The following MAP4 variants were observed in gnomAD, a reference collection of about 807,000 sequenced individuals.
The protein encoded by MAP4 is microtubule-associated protein 4.
Under a neutral mutation model 170.2 loss-of-function variants are expected in MAP4, and 76 were observed. The ratio of observed to expected loss-of-function variants is 0.45; its 90% CI spans 0.37 to 0.54. The LOEUF (loss-of-function observed/expected upper bound fraction) is 0.54. Ranked by LOEUF, MAP4 falls within the 20% of genes least tolerant of loss-of-function variation. The pLI, the probability that MAP4 is intolerant of heterozygous loss-of-function variation, is 0.00. For missense variants in MAP4, 2,506 were observed against 2,748.0 expected, an observed-to-expected ratio of 0.91 and a Z score of 1.97; for synonymous variants, 909 against 994.5, an observed-to-expected ratio of 0.91 and a Z score of 1.62.
intron 1 of MAP4, among the ~76,000 whole-genome samples, chr3:48,050,731 T>C (rs969781675): frequency 1.3e-5 from 2 of 150,778 alleles, no homozygotes; most frequent in Admixed American, 1.3e-4. Flanking sequence ...CATGGTGAAA[T>C]CCATCTCTAC....
At chr3:47,885,306 G>C (rs1371893580) in intron 10 of MAP4, among the ~76,000 whole-genome samples, 2 of 152,052 alleles carry the variant, frequency 1.3e-5, no homozygotes, top group African/African-American at 2.4e-5. Context: ...AAGCAAGGAG[G>C]ATCACTTGAG....
At chr3:48,074,588 G>A (rs953981465) in intron 1 of MAP4, among the ~76,000 whole-genome samples, 3 of 138,448 alleles carry the variant, frequency 2.2e-5, no homozygotes, top group African/African-American at 5.6e-5. Context: ...ATCACAGATC[G>A]ACGTCCTGGG....
chr3:48,029,718 G>T (rs913719434), intron 1 of MAP4, among the ~76,000 whole-genome samples: 5 of 152,096 alleles, frequency 3.3e-5, no homozygotes, highest in African/African-American at 1.2e-4. Context: ...AAAAGAGGTA[G>T]GTCGGGCACG....
intron 1 of MAP4, among the ~76,000 whole-genome samples, chr3:48,078,114 T>C (rs750974304): frequency 2.0e-5 from 3 of 152,126 alleles, no homozygotes; most frequent in Admixed American, 1.3e-4. Flanking sequence ...TTGCACAACA[T>C]TGTGAATACA....
At chr3:47,891,330 C>T in intron 10 of MAP4, 1 of 1,536,164 alleles carries the variant, frequency 6.5e-7, no homozygotes, top group African/African-American at 1.4e-5. Context: ...ACTGGTTCCT[C>T]ACAGATGAAA....
In MAP4 at chr3:47,858,614, T is replaced by TGCGC. The variant is rs1553722126; in HGVS notation, c.6502-1106_6502-1103dup. Among the ~76,000 whole-genome samples, 47 of 138,508 alleles carry TGCGC rather than the reference T, an allele frequency of 3.4e-4. 1 individual carries two copies. The highest frequency in any genetic ancestry group is 7.5e-4 in the African/African-American group (26 of 34,516). The allele number at this position is 138,508 out of a possible 152,430, so 90.9% of individuals were successfully genotyped here. A position where few individuals can be genotyped will look rare whatever the true frequency, so the allele number is the denominator to read the frequency against. On this transcript the variant is annotated intron_variant, in intron 17 of 20. Coordinates refer to ENST00000683076, the MANE Select transcript of MAP4 (RefSeq NM_001385682.1). ...GTGTGTGTGTGTGTGTGTGTGTGTG[T>TGCGC]GCGCGTTGTGTGTGTGTGTGTGTGT...
chr3:48,063,881 T>TAAAA, intron 1 of MAP4, among the ~76,000 whole-genome samples: 1 of 152,310 alleles, frequency 6.6e-6, no homozygotes, highest in East Asian at 1.9e-4. Flanking sequence ...CAGGGGATTT[T>TAAAA]TAGGGCAGTG....
intron 2 of MAP4, among the ~76,000 whole-genome samples, chr3:47,984,080 A>G (rs972899218): frequency 6.6e-6 from 1 of 152,038 alleles, no homozygotes; most frequent in African/African-American, 2.4e-5. Flanking sequence ...TCATTTGCAC[A>G]TATCTGTTTA....
intron 1 of MAP4, among the ~76,000 whole-genome samples, chr3:48,033,471 A>G (rs918680736): frequency 6.6e-6 from 1 of 152,198 alleles, no homozygotes; most frequent in Non-Finnish European, 1.5e-5. Flanking sequence ...AGAAAAGTAT[A>G]TTAGTTTTCT....
chr3:47,892,557 G>C, intron 10 of MAP4: 1 of 1,448,404 alleles, frequency 6.9e-7, no homozygotes, highest in South Asian at 1.5e-5. Context: ...CGATCACACA[G>C]AGCTTGCAGT....
At chr3:47,860,723 G>A (rs1024387178) in intron 17 of MAP4, among the ~76,000 whole-genome samples, 2 of 152,156 alleles carry the variant, frequency 1.3e-5, no homozygotes, top group African/African-American at 4.8e-5. Context: ...ACCGAAGAAT[G>A]AGACATGAAT....
chr3:48,072,665 G>T (rs548936210), intron 1 of MAP4, among the ~76,000 whole-genome samples: 3 of 152,244 alleles, frequency 2.0e-5, no homozygotes, highest in South Asian at 2.1e-4. Flanking sequence ...ATAATTAGGG[G>T]CAAAAGGTAT....
chr3:47,863,720 A>G (rs979275614), intron 17 of MAP4, among the ~76,000 whole-genome samples: 4 of 151,488 alleles, frequency 2.6e-5, no homozygotes, highest in Non-Finnish European at 5.9e-5. Context: ...CTTAACTGGG[A>G]CCAGCCACAG....
chr3:47,863,807 G>C (rs2073297658), intron 17 of MAP4, among the ~76,000 whole-genome samples: 1 of 151,834 alleles, frequency 6.6e-6, no homozygotes. Flanking sequence ...TCTCATCAAG[G>C]GGTATGTCTG....
chr3:48,055,418 C>G (rs2100130526), intron 1 of MAP4, among the ~76,000 whole-genome samples: 1 of 151,094 alleles, frequency 6.6e-6, no homozygotes, highest in Non-Finnish European at 1.5e-5. Context: ...GTTGGCCGGG[C>G]CGGTCTCCAG....
chr3:47,971,372 T>C (rs963136635), intron 3 of MAP4, among the ~76,000 whole-genome samples: 5 of 152,340 alleles, frequency 3.3e-5, no homozygotes, highest in African/African-American at 1.2e-4. Context: ...TTTCACATTT[T>C]TGGTGCTTTT....
At chr3:47,955,122 T>C (rs1179461908) in intron 3 of MAP4, among the ~76,000 whole-genome samples, 1 of 152,174 alleles carries the variant, frequency 6.6e-6, no homozygotes, top group Non-Finnish European at 1.5e-5. Context: ...AGATGGATCT[T>C]AGTGACTATC....
intron 9 of MAP4, among the ~76,000 whole-genome samples, chr3:47,907,262 T>C (rs999398464): frequency 3.9e-5 from 6 of 152,210 alleles, no homozygotes; most frequent in Non-Finnish European, 7.3e-5. Context: ...TTATTATACA[T>C]AAATTGTCTG....
intron 2 of MAP4, among the ~76,000 whole-genome samples, chr3:47,983,859 T>C (rs1357557393): frequency 1.3e-5 from 2 of 152,192 alleles, no homozygotes; most frequent in African/African-American, 2.4e-5. Context: ...TTATTTATTT[T>C]GTTGCTCAAA....
Sources: allele counts gnomAD v4.1 joint callset (sites outside exome capture counted in the v4.1 genomes callset), GRCh38; gene constraint gnomAD v4.1.1; transcripts MANE v1.5; gene names NCBI Gene and HGNC (gene_info 2026-07-23, HGNC 2026-07-21).